PARP8: variants seen among roughly 807,000 people sequenced by gnomAD.
The protein encoded by PARP8 is poly(ADP-ribose) polymerase family member 8.
PARP8 carries 51 observed loss-of-function variants against 124.1 expected under a neutral mutation model. The observed-to-expected ratio is 0.41, with a 90% CI of 0.33 to 0.52. The LOEUF (loss-of-function observed/expected upper bound fraction) is 0.52. Ranked by LOEUF, PARP8 falls within the 20% of genes least tolerant of loss-of-function variation. The pLI is 0.21. For synonymous variants in PARP8, 391 were observed against 361.5 expected (o/e 1.08, Z -0.93); for missense variants, 860 against 1,018.9 (o/e 0.84, Z 2.12).
intron 12 of PARP8, among the ~76,000 whole-genome samples, chr5:50,795,734 T>C (rs2149651699): frequency 6.6e-6 from 1 of 152,348 alleles, no homozygotes; most frequent in Non-Finnish European, 1.5e-5. Context: ...AATAAGCATA[T>C]AATTTTAATG....
intron 10 of PARP8, among the ~76,000 whole-genome samples, chr5:50,793,787 T>C (rs531228254): frequency 2.6e-5 from 4 of 152,248 alleles, no homozygotes; most frequent in African/African-American, 9.6e-5. Flanking sequence ...ATAAATAGCA[T>C]TATAATTAGT....
chr5:50,717,219 T>C (rs897147691), intron 2 of PARP8, among the ~76,000 whole-genome samples: 4 of 151,836 alleles, frequency 2.6e-5, no homozygotes, highest in African/African-American at 7.3e-5. Context: ...GGGGAGGCTA[T>C]TAGAGGAGTC....
intron 15 of PARP8, among the ~76,000 whole-genome samples, chr5:50,816,388 T>C (rs1580441517): frequency 6.6e-6 from 1 of 152,122 alleles, no homozygotes; most frequent in South Asian, 2.1e-4. Context: ...TTTTAAAAAA[T>C]TATTTGCTAA....
Position 50,759,725 on chromosome 5 carries a change from A to G in PARP8, c.267A>G (p.Ile89Met). 6.3e-7 allele frequency: 1 copy of G among 1,576,268 alleles called. No individual in the cohort carries two copies. The highest frequency in any genetic ancestry group is 8.6e-7 in the Non-Finnish European group (1 of 1,168,068). Reference protein sequence around the residue: ...TEPIPVIFHRIATELRKTNDI... With the variant: ...TEPIPVIFHRMATELRKTNDI... Reference sequence around the variant, plus strand: ...CAATACCAGTAATTTTTCATAGAATAGCAACAGGTAATAGTAGTATTATTT... The same window carrying G: ...CAATACCAGTAATTTTTCATAGAATGGCAACAGGTAATAGTAGTATTATTT... The change falls in exon 4 of 26, where the codon ATA (isoleucine) becomes ATG (methionine). Residue 89 changes from isoleucine (I) to methionine (M), a missense_variant. Transcript: ENST00000281631.
chr5:50,672,718 C>T (rs1750170837), intron 2 of PARP8, among the ~76,000 whole-genome samples: 1 of 152,204 alleles, frequency 6.6e-6, no homozygotes, highest in Middle Eastern at 3.4e-3. Flanking sequence ...TTTCTAGGGG[C>T]CCTAATCCAC....
intron 2 of PARP8, among the ~76,000 whole-genome samples, chr5:50,678,565 T>C (rs981637432): frequency 1.3e-5 from 2 of 152,152 alleles, no homozygotes; most frequent in South Asian, 2.1e-4. Flanking sequence ...AATATAGATA[T>C]ATGAGAGAGA....
intron 7 of PARP8, among the ~76,000 whole-genome samples, chr5:50,764,815 T>TC (rs1357466437): frequency 2.1e-5 from 3 of 140,090 alleles, no homozygotes; most frequent in African/African-American, 8.5e-5. Flanking sequence ...GTTTTTTTCT[T>TC]TTTTTTTTTT....
chr5:50,761,781 A>T, intron 5 of PARP8, 40 bp from the exon 6 acceptor site: 1 of 1,313,610 alleles, frequency 7.6e-7, no homozygotes, highest in East Asian at 2.5e-5. Flanking sequence ...AGGTAAAATA[A>T]TTTGACCATT....
chr5:50,772,096 G>A (rs764505237), intron 7 of PARP8, among the ~76,000 whole-genome samples: 41 of 152,076 alleles, frequency 2.7e-4, no homozygotes, highest in Admixed American at 5.2e-4. Context: ...CTTACATCAC[G>A]CAGTGTTTGT....
intron 23 of PARP8, among the ~76,000 whole-genome samples, chr5:50,833,646 G>A (rs1580504189): frequency 6.6e-6 from 1 of 152,012 alleles, no homozygotes; most frequent in Non-Finnish European, 1.5e-5. Context: ...TGTTTGAAAA[G>A]ATCAAGCAAA....
intron 7 of PARP8, among the ~76,000 whole-genome samples, chr5:50,769,311 A>G (rs1341907709): frequency 6.6e-6 from 1 of 151,792 alleles, no homozygotes; most frequent in African/African-American, 2.4e-5. Flanking sequence ...CTGTAAACGT[A>G]CCAGCGTTTT....
chr5:50,709,361 T>G (rs71615979), intron 2 of PARP8, among the ~76,000 whole-genome samples: 12,398 of 152,046 alleles, frequency 0.082, 613 homozygotes, highest in East Asian at 0.12. Context: ...TGAAAATGCT[T>G]TTCAGAGCAT....
At chr5:50,773,356 G>A (rs981281882) in intron 7 of PARP8, among the ~76,000 whole-genome samples, 41 of 152,268 alleles carry the variant, frequency 2.7e-4, no homozygotes, top group African/African-American at 9.4e-4. Context: ...TTTTGTATAT[G>A]AAGATAGGGA....
chr5:50,705,031 G>A (rs757981862), intron 2 of PARP8, among the ~76,000 whole-genome samples: 3 of 152,128 alleles, frequency 2.0e-5, no homozygotes, highest in South Asian at 2.1e-4. Context: ...TTACAAATGG[G>A]CAAATTTCAA....
intron 3 of PARP8, among the ~76,000 whole-genome samples, chr5:50,751,711 A>T (rs1759287749): frequency 6.6e-6 from 1 of 152,168 alleles, no homozygotes; most frequent in Non-Finnish European, 1.5e-5. Context: ...AGAGATGGTA[A>T]GTATTAAATA....
chr5:50,734,012 G>A (rs1757247927), intron 2 of PARP8, among the ~76,000 whole-genome samples: 1 of 152,046 alleles, frequency 6.6e-6, no homozygotes, highest in Non-Finnish European at 1.5e-5. Flanking sequence ...TTACTAATGA[G>A]GAAGATGAAT....
chr5:50,712,267 G>T (rs760005422), intron 2 of PARP8, among the ~76,000 whole-genome samples: 14 of 151,992 alleles, frequency 9.2e-5, no homozygotes, highest in Non-Finnish European at 2.1e-4. Context: ...TAGATATTTG[G>T]CATTTTATAC....
At chr5:50,721,850 C>T (rs1486372165) in intron 2 of PARP8, among the ~76,000 whole-genome samples, 1 of 152,108 alleles carries the variant, frequency 6.6e-6, no homozygotes, top group Non-Finnish European at 1.5e-5. Flanking sequence ...GATTAAAAAA[C>T]TGCTAAAGCA....
intron 10 of PARP8, among the ~76,000 whole-genome samples, chr5:50,791,324 C>T (rs1348140825): frequency 6.6e-6 from 1 of 152,122 alleles, no homozygotes; most frequent in Non-Finnish European, 1.5e-5. Flanking sequence ...GGCCTTGTTA[C>T]TCTCATATTT....
Sources: gnomAD v4.1 joint callset for allele counts (sites outside exome capture counted in the v4.1 genomes callset) on GRCh38, gnomAD v4.1.1 for gene constraint, MANE v1.5 for transcripts, NCBI Gene and HGNC (gene_info 2026-07-23, HGNC 2026-07-21) for gene names.